The following CCDC18 variants were observed in gnomAD, a reference collection of about 807,000 sequenced individuals.
CCDC18 encodes coiled-coil domain-containing protein 18.
A neutral mutation model predicts 196.0 loss-of-function variants in CCDC18; 157 were observed. That is an observed-to-expected ratio of 0.80 (90% CI 0.70 to 0.91). The LOEUF (loss-of-function observed/expected upper bound fraction) is 0.91, where lower values mean the gene tolerates loss of function less well. CCDC18 is among the 40% of genes least tolerant of loss of function. The pLI, the probability that CCDC18 is intolerant of heterozygous loss-of-function variation, is 0.00. For missense variants in CCDC18, 1,465 were observed against 1,611.6 expected (o/e 0.91, Z 1.56); for synonymous variants, 482 against 529.2 (o/e 0.91, Z 1.22).
intron 18 of CCDC18, among the ~76,000 whole-genome samples, chr1:93,235,474 CCTGTTT>C (rs1167300364): frequency 6.6e-6 from 1 of 151,974 alleles, no homozygotes; most frequent in Non-Finnish European, 1.5e-5. Context: ...TGTTGTAATC[CCTGTTT>C]CTGTGGAATG....
At chr1:93,260,864 C>A (rs1006626866) in intron 26 of CCDC18, among the ~76,000 whole-genome samples, 4 of 152,060 alleles carry the variant, frequency 2.6e-5, no homozygotes, top group Non-Finnish European at 4.4e-5. Flanking sequence ...TGAGAACATG[C>A]GGTGTTTGGT....
intron 4 of CCDC18, among the ~76,000 whole-genome samples, chr1:93,189,557 A>G (rs978416856): frequency 1.3e-5 from 2 of 152,232 alleles, no homozygotes; most frequent in African/African-American, 4.8e-5. Flanking sequence ...ACTGTTCTCC[A>G]TACTGGTTGT....
At position 93,209,175 on chromosome 1, in the gene CCDC18, C is replaced by A. The variant is rs538118623; in HGVS notation, c.1210-1627C>A. Among the ~76,000 whole-genome samples the A allele has an allele frequency of 2.0e-5, 3 of 152,246 alleles. No homozygotes were observed. The East Asian group carries it at 5.8e-4, about 29-fold the overall frequency. On this transcript the variant is annotated intron_variant, in intron 9 of 28. Coordinates refer to ENST00000690025, the MANE Select transcript of CCDC18 (RefSeq NM_001378204.1). ...GTTTCTCCATGTTGGTCAGGCTGGT[C>A]TCGAACTCCCAACCTCAGGTGATCT...
intron 8 of CCDC18, 52 bp from the exon 9 acceptor site, chr1:93,207,055 A>T (rs1373133856): frequency 1.2e-5 from 12 of 973,520 alleles, no homozygotes; most frequent in Non-Finnish European, 4.4e-6. Context: ...AAATATGATT[A>T]AAATGAATGC....
At chr1:93,263,286 T>C (rs1326635492) in intron 26 of CCDC18, among the ~76,000 whole-genome samples, 1 of 152,186 alleles carries the variant, frequency 6.6e-6, no homozygotes, top group Non-Finnish European at 1.5e-5. Context: ...CCCCATAAAA[T>C]GGGTTTTTCT....
At chr1:93,210,753 A>T (rs181310961) in intron 9 of CCDC18, 49 bp from the exon 10 acceptor site, 1 of 1,426,108 alleles carries the variant, frequency 7.0e-7, no homozygotes, top group African/African-American at 1.4e-5. Flanking sequence ...AAAAAAGCAA[A>T]TGCATCTCAT....
At chr1:93,222,158 T>A (rs1228416381) in intron 16 of CCDC18, among the ~76,000 whole-genome samples, 1 of 152,040 alleles carries the variant, frequency 6.6e-6, no homozygotes, top group East Asian at 1.9e-4. Context: ...TTGGAGACAT[T>A]CTTGTGGCTT....
At chr1:93,185,647 G>T (rs1650530618) in intron 3 of CCDC18, among the ~76,000 whole-genome samples, 1 of 151,724 alleles carries the variant, frequency 6.6e-6, no homozygotes, top group Admixed American at 6.6e-5. Flanking sequence ...GAGGGAAGTG[G>T]GTAATTTATA....
intron 1 of CCDC18, among the ~76,000 whole-genome samples, chr1:93,182,837 A>G (rs146266528): frequency 2.0e-5 from 3 of 152,332 alleles, no homozygotes; most frequent in African/African-American, 7.2e-5. Context: ...ATATGAATGT[A>G]ATGATACCAT....
intron 21 of CCDC18, among the ~76,000 whole-genome samples, chr1:93,242,882 G>C (rs1442093150): frequency 6.6e-6 from 1 of 152,222 alleles, no homozygotes; most frequent in African/African-American, 2.4e-5. Context: ...TCACACTGAT[G>C]CAAGAGGTGG....
Position 93,193,715 on chromosome 1 carries a change from C to T in CCDC18, c.669C>T (p.Asp223=). The T allele has an allele frequency of 6.3e-7, 1 of 1,577,110 alleles. No individual in the cohort carries two copies. Among genetic ancestry groups the T allele is most frequent in the Non-Finnish European group, 8.6e-7 (1 of 1,166,896 alleles). The change falls in exon 6 of 29, where the codon GAC becomes GAT. Residue 223 remains aspartate (D), a synonymous_variant. Transcript: ENST00000690025. ...AGGAATGTATAAAATTAAAGGTGGA[C>T]TTACTTGAACAAACCAAACAAGGAA... ...SKEECIKLKV[D]LLEQTKQGKR...
At chr1:93,274,869 G>C (rs1480592961) in intron 28 of CCDC18, among the ~76,000 whole-genome samples, 2 of 152,040 alleles carry the variant, frequency 1.3e-5, no homozygotes, top group East Asian at 1.9e-4. Flanking sequence ...CTTAAAGATT[G>C]GATTCTTAAA....
intron 21 of CCDC18, among the ~76,000 whole-genome samples, chr1:93,240,925 C>A (rs1230590748): frequency 6.6e-6 from 1 of 152,022 alleles, no homozygotes; most frequent in Admixed American, 6.6e-5. Context: ...CTTTTTTCAT[C>A]CAGTGTATTA....
intron 4 of CCDC18, 84 bp from the exon 5 acceptor site, chr1:93,191,916 C>T: frequency 1.2e-6 from 1 of 855,834 alleles, no homozygotes; most frequent in Non-Finnish European, 1.9e-6. Flanking sequence ...TATTGAACAC[C>T]CTCATCTGAC....
intron 1 of CCDC18, among the ~76,000 whole-genome samples, chr1:93,182,816 C>T (rs921440355): frequency 3.3e-5 from 5 of 152,054 alleles, no homozygotes; most frequent in Admixed American, 6.5e-5. Context: ...AATAAATTCC[C>T]TTCTAACAAA....
intron 9 of CCDC18, 123 bp downstream of exon 9, chr1:93,207,521 A>G: frequency 1.5e-6 from 1 of 684,124 alleles, no homozygotes; most frequent in East Asian, 2.9e-5. Flanking sequence ...TTAGTCATGA[A>G]TTTCTCTTCT....
At chr1:93,229,450 G>T (rs898455348) in intron 17 of CCDC18, among the ~76,000 whole-genome samples, 2 of 152,106 alleles carry the variant, frequency 1.3e-5, no homozygotes, top group Admixed American at 1.3e-4. Flanking sequence ...ATCATATATA[G>T]CTACATTTTA....
intron 17 of CCDC18, among the ~76,000 whole-genome samples, chr1:93,230,484 T>TC (rs975752250): frequency 6.7e-6 from 1 of 148,780 alleles, no homozygotes; most frequent in African/African-American, 2.5e-5. Flanking sequence ...AAAGGAAGAC[T>TC]CCATCTCAAA....
upstream of CCDC18, chr1:93,180,531 A>G (rs376313603): frequency 5.9e-6 from 9 of 1,516,866 alleles, no homozygotes; most frequent in East Asian, 2.8e-5. Context: ...TCCGGTTCCC[A>G]TGGCTTCCCC....
Sources: gnomAD v4.1 joint callset for allele counts (sites outside exome capture counted in the v4.1 genomes callset) on GRCh38, gnomAD v4.1.1 for gene constraint, MANE v1.5 for transcripts, NCBI Gene and HGNC (gene_info 2026-07-23, HGNC 2026-07-21) for gene names.